Variants in RSU1 observed in about 807,000 individuals in gnomAD.
The protein encoded by RSU1 is Ras suppressor protein 1.
In RSU1, 26 loss-of-function variants were observed where a neutral mutation model predicts 31.1. That is an observed-to-expected ratio of 0.84 (90% CI 0.61 to 1.16). The LOEUF is 1.16. RSU1 is among the 50% of genes most tolerant of loss of function. The pLI is 0.00. For missense variants in RSU1, 320 were observed against 339.1 expected, an observed-to-expected ratio of 0.94 and a Z score of 0.44; for synonymous variants, 164 against 136.3, an observed-to-expected ratio of 1.20 and a Z score of -1.41.
intron 8 of RSU1, among the ~76,000 whole-genome samples, chr10:16,637,235 CCACAG>C (rs1187640481): frequency 2.6e-5 from 4 of 152,162 alleles, no homozygotes; most frequent in Admixed American, 2.0e-4. Context: ...TTTATGATAT[CCACAG>C]TTATCTGTTA....
chr10:16,688,329 A>G (rs1377791756), intron 8 of RSU1, among the ~76,000 whole-genome samples: 1 of 152,194 alleles, frequency 6.6e-6, no homozygotes, highest in Non-Finnish European at 1.5e-5. Context: ...AATATAGGCC[A>G]GTAGTGGTGG....
chr10:16,620,689 C>CA (rs1187623480), intron 8 of RSU1, among the ~76,000 whole-genome samples: 2 of 151,728 alleles, frequency 1.3e-5, no homozygotes, highest in Non-Finnish European at 2.9e-5. Context: ...ACTAAAAACA[C>CA]AAAAAATTAG....
intron 7 of RSU1, among the ~76,000 whole-genome samples, chr10:16,702,651 C>A (rs1474557679): frequency 1.3e-5 from 2 of 152,220 alleles, no homozygotes; most frequent in African/African-American, 2.4e-5. Context: ...AGTATTTACC[C>A]AATGCCTATA....
chr10:16,688,911 G>A (rs1835489892), intron 8 of RSU1, among the ~76,000 whole-genome samples: 1 of 152,016 alleles, frequency 6.6e-6, no homozygotes, highest in African/African-American at 2.4e-5. Context: ...GGGAAGCTGA[G>A]GCAGGGGGAT....
intron 8 of RSU1, among the ~76,000 whole-genome samples, chr10:16,630,381 TTCC>T (rs1364037493): frequency 4.6e-5 from 7 of 152,352 alleles, no homozygotes; most frequent in African/African-American, 7.2e-5. Flanking sequence ...TTTGATCTTC[TTCC>T]TCCTCTTTTG....
At chr10:16,804,548 A>G (rs1404313369) in intron 2 of RSU1, among the ~76,000 whole-genome samples, 2 of 152,352 alleles carry the variant, frequency 1.3e-5, no homozygotes, top group African/African-American at 2.4e-5. Flanking sequence ...ATAATTGTCC[A>G]AAGTTGGAAG....
intron 7 of RSU1, among the ~76,000 whole-genome samples, chr10:16,707,017 T>C (rs1835919652): frequency 6.6e-6 from 1 of 152,234 alleles, no homozygotes; most frequent in Non-Finnish European, 1.5e-5. Flanking sequence ...TTTCTGTGTC[T>C]GGATTATTTC....
intron 8 of RSU1, among the ~76,000 whole-genome samples, chr10:16,609,553 C>A (rs1833860071): frequency 6.6e-6 from 1 of 152,180 alleles, no homozygotes; most frequent in African/African-American, 2.4e-5. Context: ...GAGCAGGTGT[C>A]TGCAAAGCCA....
intron 7 of RSU1, among the ~76,000 whole-genome samples, chr10:16,711,219 T>G (rs2131580522): frequency 6.6e-6 from 1 of 152,338 alleles, no homozygotes; most frequent in African/African-American, 2.4e-5. Flanking sequence ...TAATATTCTC[T>G]ATAATTTTCT....
At chr10:16,809,554 G>A (rs1838356987) in intron 2 of RSU1, among the ~76,000 whole-genome samples, 2 of 152,042 alleles carry the variant, frequency 1.3e-5, no homozygotes, top group African/African-American at 2.4e-5. Context: ...TAGACCAAAT[G>A]CTCCTTGGCC....
intron 8 of RSU1, among the ~76,000 whole-genome samples, chr10:16,684,494 G>A (rs970483280): frequency 1.3e-5 from 2 of 152,118 alleles, no homozygotes; most frequent in African/African-American, 4.8e-5. Flanking sequence ...CCTCACCCCG[G>A]ATAACTGATA....
chr10:16,768,363 G>T (rs1056373501), intron 3 of RSU1, among the ~76,000 whole-genome samples: 1 of 152,192 alleles, frequency 6.6e-6, no homozygotes, highest in African/African-American at 2.4e-5. Flanking sequence ...AACAAATGGG[G>T]CTCTCAATTA....
intron 2 of RSU1, among the ~76,000 whole-genome samples, chr10:16,806,110 A>AT (rs925141194): frequency 2.6e-5 from 4 of 152,290 alleles, no homozygotes; most frequent in Non-Finnish European, 4.4e-5. Flanking sequence ...TTTGGAATAG[A>AT]TTTTTTTAAA....
chr10:16,600,303 C>G (rs1169645967), intron 8 of RSU1, among the ~76,000 whole-genome samples: 3 of 152,066 alleles, frequency 2.0e-5, no homozygotes, highest in Non-Finnish European at 4.4e-5. Context: ...CCTGCTGAAG[C>G]CCACTTCTAG....
intron 8 of RSU1, among the ~76,000 whole-genome samples, chr10:16,639,385 T>C (rs993864411): frequency 6.6e-6 from 1 of 152,240 alleles, no homozygotes; most frequent in East Asian, 1.9e-4. Context: ...CTATTATATC[T>C]TCTAATACTG....
At chr10:16,651,096 A>G (rs925438730) in intron 8 of RSU1, among the ~76,000 whole-genome samples, 7 of 152,174 alleles carry the variant, frequency 4.6e-5, no homozygotes, top group African/African-American at 7.2e-5. Flanking sequence ...AATTTTTACT[A>G]TGAAATAGTT....
intron 2 of RSU1, among the ~76,000 whole-genome samples, chr10:16,802,502 A>G (rs1353319062): frequency 2.0e-5 from 3 of 152,150 alleles, no homozygotes; most frequent in Non-Finnish European, 2.9e-5. Context: ...ACGTTTAAGG[A>G]AGAAATTATA....
At chr10:16,785,513 T>TATATATATATATACACATATATAC (rs1564357401) in intron 2 of RSU1, among the ~76,000 whole-genome samples, 1 of 121,832 alleles carries the variant, frequency 8.2e-6, no homozygotes, top group African/African-American at 3.6e-5. Flanking sequence ...CATATATACA[T>TATATATATATATACACATATATAC]ATATATATAT....
At chr10:16,787,483 G>A (rs1015130650) in intron 2 of RSU1, among the ~76,000 whole-genome samples, 4 of 152,066 alleles carry the variant, frequency 2.6e-5, no homozygotes, top group African/African-American at 7.2e-5. Flanking sequence ...ACCCCTGAAC[G>A]CCTCTGTTTT....
Sources: gnomAD v4.1 joint callset for allele counts (sites outside exome capture counted in the v4.1 genomes callset) on GRCh38, gnomAD v4.1.1 for gene constraint, MANE v1.5 for transcripts, NCBI Gene and HGNC (gene_info 2026-07-23, HGNC 2026-07-21) for gene names.